Variants in MAML2 observed in about 807,000 individuals in gnomAD.
The protein encoded by MAML2 is mastermind like transcriptional coactivator 2.
In MAML2, 22 loss-of-function variants were observed where a neutral mutation model predicts 96.1. The observed-to-expected ratio is 0.23, with a 90% CI of 0.16 to 0.33. MAML2 has a LOEUF of 0.33. Ranked by LOEUF, MAML2 falls within the 10% of genes least tolerant of loss-of-function variation. The pLI is 1.00. For synonymous variants in MAML2, 561 were observed against 521.3 expected (o/e 1.08, Z -1.04); for missense variants, 1,367 against 1,392.4 (o/e 0.98, Z 0.29).
chr11:96,327,650 C>T, intron 1 of MAML2, among the ~76,000 whole-genome samples: 1 of 151,532 alleles, frequency 6.6e-6, no homozygotes, highest in African/African-American at 2.4e-5. Context: ...AACTCCTGAC[C>T]TCAAGTGATC....
intron 2 of MAML2, among the ~76,000 whole-genome samples, chr11:96,078,600 G>A (rs929655544): frequency 1.3e-5 from 2 of 152,192 alleles, no homozygotes; most frequent in Non-Finnish European, 2.9e-5. Context: ...GAACAGGAAC[G>A]AAATGCTGCT....
intron 1 of MAML2, among the ~76,000 whole-genome samples, chr11:96,172,851 A>T (rs1174606365): frequency 1.3e-5 from 2 of 152,230 alleles, no homozygotes; most frequent in African/African-American, 4.8e-5. Flanking sequence ...CCAGCAGAAC[A>T]CATGTGTACA....
At chr11:96,119,497 G>A (rs1246468470) in intron 1 of MAML2, among the ~76,000 whole-genome samples, 1 of 152,154 alleles carries the variant, frequency 6.6e-6, no homozygotes, top group African/African-American at 2.4e-5. Context: ...GCCCAGTGAG[G>A]TTCATTTCAA....
chr11:96,227,298 A>G (rs912142124), intron 1 of MAML2, among the ~76,000 whole-genome samples: 2 of 152,214 alleles, frequency 1.3e-5, no homozygotes, highest in Non-Finnish European at 2.9e-5. Flanking sequence ...CCTAGTACCT[A>G]CGCATAATCC....
chr11:96,062,834 G>A (rs1301108404), intron 2 of MAML2, among the ~76,000 whole-genome samples: 1 of 152,050 alleles, frequency 6.6e-6, no homozygotes, highest in Admixed American at 6.5e-5. Flanking sequence ...TTCTTTAACT[G>A]TGACCCCTTC....
intron 1 of MAML2, among the ~76,000 whole-genome samples, chr11:96,125,188 G>A (rs143236919): frequency 0.014 from 2,066 of 152,236 alleles, 39 homozygotes; most frequent in African/African-American, 0.037. Context: ...ATTCTTAGGG[G>A]TAGAGGCAGA....
chr11:96,168,943 T>C (rs1018427648), intron 1 of MAML2, among the ~76,000 whole-genome samples: 7 of 152,336 alleles, frequency 4.6e-5, no homozygotes, highest in Middle Eastern at 3.4e-3. Context: ...TGCCTAGTGG[T>C]GCTATTCAGA....
At chr11:96,067,252 C>G (rs1254132703) in intron 2 of MAML2, among the ~76,000 whole-genome samples, 1 of 152,196 alleles carries the variant, frequency 6.6e-6, no homozygotes, top group Non-Finnish European at 1.5e-5. Context: ...TTTCTCAAGC[C>G]ATAGCATCTC....
chr11:96,316,396 C>T (rs1863633793), intron 1 of MAML2, among the ~76,000 whole-genome samples: 1 of 152,028 alleles, frequency 6.6e-6, no homozygotes, highest in South Asian at 2.1e-4. Context: ...ATAAATAAAA[C>T]AAAGAAGGGG....
intron 1 of MAML2, among the ~76,000 whole-genome samples, chr11:96,161,198 A>G (rs575318834): frequency 1.8e-4 from 27 of 152,352 alleles, no homozygotes; most frequent in African/African-American, 6.3e-4. Context: ...CTGTACTGCA[A>G]TTAGGAACAT....
chr11:96,054,536 A>G (rs1249382731), intron 2 of MAML2, among the ~76,000 whole-genome samples: 1 of 152,176 alleles, frequency 6.6e-6, no homozygotes, highest in Non-Finnish European at 1.5e-5. Flanking sequence ...GCAGTGTGGG[A>G]GTGTGACGGT....
rs563786887 is a variant in MAML2 at position 95,985,609 on chromosome 11, G to T, written c.2377C>A (p.His793Asn). ...KIAPQDQINR[H>N]LSRPPPDYKD... ...TAATCTGGAGGTGGCCTTGACAAATGTCGGTTTATCTGATCTTGTGGAGCA... is the reference window on the plus strand; with the variant it reads ...TAATCTGGAGGTGGCCTTGACAAATTTCGGTTTATCTGATCTTGTGGAGCA... The change falls in exon 4 of 5, where the codon CAT (histidine) becomes AAT (asparagine). Residue 793 changes from histidine (H) to asparagine (N), a missense_variant. Physicochemically the swap from His to Asn is moderately conservative, Grantham distance 68. Transcript: ENST00000524717. The T allele has an allele frequency of 6.2e-7, 1 of 1,612,406 alleles. No individual in the cohort carries two copies. The highest frequency in any genetic ancestry group is 2.2e-5 in the East Asian group (1 of 44,766).
intron 2 of MAML2, among the ~76,000 whole-genome samples, chr11:96,002,719 G>A (rs868710603): frequency 0.031 from 5 of 160 alleles, 1 homozygote; most frequent in East Asian, 0.14. Flanking sequence ...TAAGGAGGAC[G>A]ATGGGGGATG....
intron 2 of MAML2, among the ~76,000 whole-genome samples, chr11:96,079,597 C>T (rs897476336): frequency 2.0e-5 from 3 of 152,208 alleles, no homozygotes; most frequent in African/African-American, 7.2e-5. Flanking sequence ...GGAGAAAGCA[C>T]TTGGCATATA....
At chr11:96,066,485 A>G (rs577080231) in intron 2 of MAML2, among the ~76,000 whole-genome samples, 2 of 152,326 alleles carry the variant, frequency 1.3e-5, no homozygotes, top group East Asian at 1.9e-4. Context: ...TGGACAACAC[A>G]CACTTGGCCT....
At chr11:96,039,120 T>A (rs975593378) in intron 2 of MAML2, among the ~76,000 whole-genome samples, 2 of 152,032 alleles carry the variant, frequency 1.3e-5, no homozygotes, top group Admixed American at 1.3e-4. Flanking sequence ...TCAGGCATGA[T>A]GATGTATGCC....
intron 2 of MAML2, among the ~76,000 whole-genome samples, chr11:96,030,599 T>A (rs920799563): frequency 1.3e-5 from 2 of 152,208 alleles, no homozygotes; most frequent in Non-Finnish European, 2.9e-5. Flanking sequence ...GAATTACAGT[T>A]GAATTTCCAT....
chr11:96,184,980 A>C (rs1269376865), intron 1 of MAML2, among the ~76,000 whole-genome samples: 1 of 152,216 alleles, frequency 6.6e-6, no homozygotes. Flanking sequence ...CCCTCTCAGA[A>C]GAACTATCAT....
chr11:96,153,651 C>A (rs1860963263), intron 1 of MAML2, among the ~76,000 whole-genome samples: 1 of 152,082 alleles, frequency 6.6e-6, no homozygotes, highest in Admixed American at 6.5e-5. Context: ...GTGGCTCACA[C>A]CTGTAATCCC....
Sources: gnomAD v4.1 joint callset for allele counts (sites outside exome capture counted in the v4.1 genomes callset) on GRCh38, gnomAD v4.1.1 for gene constraint, MANE v1.5 for transcripts, NCBI Gene and HGNC (gene_info 2026-07-23, HGNC 2026-07-21) for gene names.